ROR1: variants seen among roughly 807,000 people sequenced by gnomAD.
ROR1 encodes the protein ROR family WNT receptor 1, also known as inactive tyrosine-protein kinase transmembrane receptor ROR1.
ROR1 carries 19 observed loss-of-function variants against 78.8 expected under a neutral mutation model. That is an observed-to-expected ratio of 0.24 (90% CI 0.17 to 0.35). The LOEUF (loss-of-function observed/expected upper bound fraction) is 0.35. Among genes scored for constraint, ROR1 ranks in the 10% least tolerant of loss-of-function variants. The pLI is 1.00. For missense variants in ROR1, 917 were observed against 1,177.8 expected (o/e 0.78, Z 3.24); for synonymous variants, 386 against 433.6 (o/e 0.89, Z 1.36).
intron 1 of ROR1, among the ~76,000 whole-genome samples, chr1:63,804,130 C>T (rs1644814372): frequency 6.6e-6 from 1 of 151,530 alleles, no homozygotes; most frequent in Non-Finnish European, 1.5e-5. Flanking sequence ...AGGAGGGGGG[C>T]GTCCTGGGAG....
chr1:63,935,184 T>C (rs1645784959), intron 1 of ROR1, among the ~76,000 whole-genome samples: 1 of 152,144 alleles, frequency 6.6e-6, no homozygotes, highest in African/African-American at 2.4e-5. Flanking sequence ...AAAACTAATG[T>C]CCCTGCTCCT....
At chr1:64,136,679 C>G (rs1649113146) in intron 4 of ROR1, among the ~76,000 whole-genome samples, 1 of 152,156 alleles carries the variant, frequency 6.6e-6, no homozygotes, top group African/African-American at 2.4e-5. Context: ...TAAAAAAAGT[C>G]TTATAATTTT....
chr1:64,028,762 C>T (rs1244967055), intron 2 of ROR1: 3 of 152,074 alleles, frequency 2.0e-5, no homozygotes, highest in Non-Finnish European at 4.4e-5. Context: ...TTATCTATTC[C>T]CTTAAGCATT....
chr1:63,790,724 T>G (rs951953818), intron 1 of ROR1, among the ~76,000 whole-genome samples: 2 of 152,126 alleles, frequency 1.3e-5, no homozygotes, highest in Non-Finnish European at 2.9e-5. Context: ...CTCAGCACCT[T>G]TTTCTCCCTC....
intron 4 of ROR1, among the ~76,000 whole-genome samples, chr1:64,127,803 A>G (rs1366252195): frequency 6.6e-6 from 1 of 152,198 alleles, no homozygotes; most frequent in Non-Finnish European, 1.5e-5. Flanking sequence ...TTGAAAACCA[A>G]ATTAGCTGAG....
intron 1 of ROR1, among the ~76,000 whole-genome samples, chr1:63,903,602 C>G (rs968354895): frequency 6.6e-6 from 1 of 152,114 alleles, no homozygotes; most frequent in Non-Finnish European, 1.5e-5. Flanking sequence ...CCACCTCATT[C>G]CTGCTCACCC....
intron 4 of ROR1, among the ~76,000 whole-genome samples, chr1:64,115,024 G>A (rs1648261253): frequency 6.6e-6 from 1 of 152,150 alleles, no homozygotes; most frequent in African/African-American, 2.4e-5. Flanking sequence ...GATTGCAGTG[G>A]TGCGATCATG....
intron 1 of ROR1, among the ~76,000 whole-genome samples, chr1:63,815,363 T>A (rs745861237): frequency 1.3e-5 from 2 of 152,106 alleles, no homozygotes; most frequent in Non-Finnish European, 2.9e-5. Context: ...GTTTTTGAAG[T>A]TTGGTTGTCT....
intron 1 of ROR1, among the ~76,000 whole-genome samples, chr1:63,933,476 C>T (rs1447029772): frequency 6.6e-6 from 1 of 152,132 alleles, no homozygotes; most frequent in Non-Finnish European, 1.5e-5. Flanking sequence ...AATAGGTGCT[C>T]AATAAGTATT....
rs1428414623 is a variant in ROR1 at position 64,181,457 on chromosome 1, A to T, written c.*2602A>T. ...ACACCAGAGATGATATTAAACACTGATTATTTTATGCTGCTGTTTATTAAA... is the reference window on the plus strand; with the variant it reads ...ACACCAGAGATGATATTAAACACTGTTTATTTTATGCTGCTGTTTATTAAA... On this transcript the variant is annotated 3_prime_UTR_variant, in exon 9 of 9. Coordinates refer to ENST00000371079, the MANE Select transcript of ROR1 (RefSeq NM_005012.4). 1.3e-5 allele frequency: 2 copies of T among 152,166 alleles called. No homozygotes were observed. The highest frequency in any genetic ancestry group is 2.9e-5 in the Non-Finnish European group (2 of 67,992). The allele number at this position is 152,166 out of a possible 1,614,324, so 9.4% of individuals were successfully genotyped here.
chr1:63,864,973 T>C (rs1645206231), intron 1 of ROR1, among the ~76,000 whole-genome samples: 1 of 152,288 alleles, frequency 6.6e-6, no homozygotes, highest in East Asian at 1.9e-4. Flanking sequence ...CATTTAACTT[T>C]TATGAATGTT....
intron 8 of ROR1, among the ~76,000 whole-genome samples, chr1:64,164,151 T>C (rs1650021473): frequency 6.6e-6 from 1 of 152,226 alleles, no homozygotes; most frequent in Admixed American, 6.5e-5. Context: ...TCTCATTCTC[T>C]TGAGCTGATT....
intron 7 of ROR1, among the ~76,000 whole-genome samples, chr1:64,147,201 A>G (rs1649499966): frequency 6.6e-6 from 1 of 152,216 alleles, no homozygotes; most frequent in African/African-American, 2.4e-5. Flanking sequence ...AGTATTAATC[A>G]GTATAGCAAT....
chr1:63,889,466 G>T (rs1645379509), intron 1 of ROR1, among the ~76,000 whole-genome samples: 1 of 152,104 alleles, frequency 6.6e-6, no homozygotes. Context: ...ACACTGATCT[G>T]GTGAACTGCA....
At chr1:64,062,573 A>G (rs944880002) in intron 4 of ROR1, among the ~76,000 whole-genome samples, 1 of 151,928 alleles carries the variant, frequency 6.6e-6, no homozygotes. Context: ...GACCTCCCAA[A>G]GTGCTGGGAT....
At chr1:63,919,238 T>C (rs1413028867) in intron 1 of ROR1, among the ~76,000 whole-genome samples, 1 of 152,164 alleles carries the variant, frequency 6.6e-6, no homozygotes, top group Non-Finnish European at 1.5e-5. Context: ...TTCCTTTTTG[T>C]TTTTCTAAAA....
chr1:64,082,729 C>T (rs1324139693), intron 4 of ROR1, among the ~76,000 whole-genome samples: 1 of 152,214 alleles, frequency 6.6e-6, no homozygotes, highest in Non-Finnish European at 1.5e-5. Context: ...CGTGGGCTCC[C>T]CACTAGGCTG....
At chr1:64,089,983 A>T (rs1000978951) in intron 4 of ROR1, among the ~76,000 whole-genome samples, 5 of 151,990 alleles carry the variant, frequency 3.3e-5, no homozygotes, top group Admixed American at 6.6e-5. Context: ...CATGTAAGAC[A>T]CTTGGTTCTC....
At chr1:63,980,051 A>T (rs140738431) in intron 1 of ROR1, among the ~76,000 whole-genome samples, 1 of 152,268 alleles carries the variant, frequency 6.6e-6, no homozygotes, top group Non-Finnish European at 1.5e-5. Context: ...TGGACCAATG[A>T]TGATAATGTG....
Sources: gnomAD v4.1 joint callset for allele counts (sites outside exome capture counted in the v4.1 genomes callset) on GRCh38, gnomAD v4.1.1 for gene constraint, MANE v1.5 for transcripts, NCBI Gene and HGNC (gene_info 2026-07-23, HGNC 2026-07-21) for gene names.